The following INPP5K variants were observed in gnomAD, a reference collection of about 807,000 sequenced individuals.
The protein encoded by INPP5K is inositol polyphosphate-5-phosphatase K, also known as inositol polyphosphate 5-phosphatase K.
In INPP5K, 35 loss-of-function variants were observed where a neutral mutation model predicts 53.5. That is an observed-to-expected ratio of 0.65 (90% CI 0.50 to 0.87). The LOEUF is 0.87. INPP5K is among the 40% of genes least tolerant of loss of function. INPP5K has a pLI of 0.00. For synonymous variants in INPP5K, 253 were observed against 232.8 expected, an observed-to-expected ratio of 1.09 and a Z score of -0.79; for missense variants, 550 against 586.2, an observed-to-expected ratio of 0.94 and a Z score of 0.64.
At chr17:1,504,763 C>T (rs184095198) in intron 7 of INPP5K, among the ~76,000 whole-genome samples, 65 of 152,358 alleles carry the variant, frequency 4.3e-4, no homozygotes, top group Non-Finnish European at 4.4e-5. Context: ...TCACAATGAG[C>T]TGTTATTTGG....
In INPP5K at chr17:1,507,078, G is replaced by C; in HGVS notation, c.678C>G (p.Ala226=). The change falls in exon 7 of 12, where the codon GCC becomes GCG. Residue 226 remains alanine, a synonymous_variant. Transcript: ENST00000421807. ...CCCGGAGCAGCGGGTCATGTTTCTT[G>C]GCAATGCTGAGCTGCAGACAAAGTC... ...GLWEKDQLSI[A]KKHDPLLREF... 6.2e-7 allele frequency: 1 copy of C among 1,613,916 alleles called. No homozygotes were observed. Among genetic ancestry groups the C allele is most frequent in the Non-Finnish European group, 8.5e-7 (1 of 1,179,890 alleles).
intron 7 of INPP5K, among the ~76,000 whole-genome samples, chr17:1,500,980 A>T (rs1311764721): frequency 1.4e-5 from 2 of 145,568 alleles, no homozygotes; most frequent in Non-Finnish European, 1.5e-5. Context: ...TTTTTTTTTA[A>T]GACGGAGTCT....
rs763661024 is a variant in INPP5K at position 1,516,412 on chromosome 17, G to C, written c.44+44C>G. 7.1e-6 allele frequency: 11 copies of C among 1,559,298 alleles called. No individual in the cohort carries two copies. In the African/African-American group the frequency reaches 1.5e-4, roughly 22 times the overall value. On this transcript the variant is annotated intron_variant, in intron 1 of 11. Transcript: ENST00000421807. ...CCCAGCCCGCAGCCCAAGGGGCGCCGATCCCCCCGAGCAGGCCTGCCTCTG... is the reference window on the plus strand; with the variant it reads ...CCCAGCCCGCAGCCCAAGGGGCGCCCATCCCCCCGAGCAGGCCTGCCTCTG...
intron 8 of INPP5K, 66 bp downstream of exon 8, chr17:1,497,870 G>A (rs2074898063): frequency 7.2e-7 from 1 of 1,398,474 alleles, no homozygotes; most frequent in African/African-American, 1.4e-5. Flanking sequence ...TCCAGGGATG[G>A]AGGGCTTGGG....
intron 7 of INPP5K, among the ~76,000 whole-genome samples, chr17:1,505,741 G>A (rs1271096366): frequency 6.6e-6 from 1 of 152,070 alleles, no homozygotes; most frequent in Admixed American, 6.6e-5. Flanking sequence ...TTCTTCCCTG[G>A]CTAAATCCCA....
At chr17:1,500,429 A>G (rs1185345260) in intron 7 of INPP5K, among the ~76,000 whole-genome samples, 17 of 151,688 alleles carry the variant, frequency 1.1e-4, no homozygotes, top group Non-Finnish European at 2.4e-4. Flanking sequence ...CACTGGCGCA[A>G]TCTCGGCTCA....
At position 1,513,514 on chromosome 17, in the gene INPP5K, G is replaced by T; in HGVS notation, c.200C>A (p.Ala67Asp). 1 of 1,614,246 alleles carries T rather than the reference G, an allele frequency of 6.2e-7. No individual in the cohort carries two copies. The highest frequency in any genetic ancestry group is 1.1e-5 in the South Asian group (1 of 91,090). ...GAAACTGCTCCACGAGTCATTAAAG[G>T]CAGCATCGGAAAGGAGGCTTATGAT... is the stretch of plus-strand genomic sequence containing the variant. ...SGIISLLSDA[A>D]FNDSWSSFLM... Residue 67 changes from alanine to aspartate, a missense_variant, in exon 3 of 12, where the codon GCC (alanine) becomes GAC (aspartate). Ala to Asp is a moderately radical substitution (Grantham distance 126). Coordinates refer to ENST00000421807, the MANE Select transcript of INPP5K (RefSeq NM_016532.4).
intron 3 of INPP5K, among the ~76,000 whole-genome samples, chr17:1,511,113 A>G (rs2075296616): frequency 6.6e-6 from 1 of 152,184 alleles, no homozygotes; most frequent in Non-Finnish European, 1.5e-5. Context: ...GGCAACGCCC[A>G]TGGAATGCCA....
intron 6 of INPP5K, chr17:1,507,840 C>T (rs1229568756): frequency 4.3e-5 from 13 of 302,640 alleles, no homozygotes; most frequent in Middle Eastern, 1.1e-3. Context: ...CCACCGTGCC[C>T]GGCCCCTATT....
chr17:1,503,275 C>G (rs554692683), intron 7 of INPP5K, among the ~76,000 whole-genome samples: 53 of 151,656 alleles, frequency 3.5e-4, no homozygotes, highest in Non-Finnish European at 6.6e-4. Context: ...CCTCCGCCTC[C>G]TGGGTTCACG....
At chr17:1,504,166 C>T (rs2075101380) in intron 7 of INPP5K, among the ~76,000 whole-genome samples, 1 of 152,206 alleles carries the variant, frequency 6.6e-6, no homozygotes, top group African/African-American at 2.4e-5. Flanking sequence ...CTGTGCTACT[C>T]CCAGGGATGG....
intron 1 of INPP5K, chr17:1,515,966 C>G (rs1357316348): frequency 2.0e-6 from 2 of 990,534 alleles, no homozygotes; most frequent in Non-Finnish European, 2.4e-6. Context: ...ATCCAAGCAT[C>G]GTGACTTAGA....
intron 2 of INPP5K, 70 bp from the exon 3 acceptor site, chr17:1,513,631 C>A: frequency 7.4e-7 from 1 of 1,353,546 alleles, no homozygotes; most frequent in East Asian, 2.3e-5. Flanking sequence ...ATATTTGATA[C>A]CATCTTCACG....
At chr17:1,511,386 C>T (rs537648224) in intron 3 of INPP5K, among the ~76,000 whole-genome samples, 1 of 152,304 alleles carries the variant, frequency 6.6e-6, no homozygotes, top group African/African-American at 2.4e-5. Context: ...AGCTCTCCCT[C>T]TCAGGTTCAG....
intron 7 of INPP5K, among the ~76,000 whole-genome samples, chr17:1,502,156 T>A (rs896562865): frequency 6.6e-6 from 1 of 151,826 alleles, no homozygotes; most frequent in Non-Finnish European, 1.5e-5. Context: ...GAGACCATCC[T>A]GGCTAACATG....
chr17:1,503,340 T>C (rs899089266), intron 7 of INPP5K, among the ~76,000 whole-genome samples: 3 of 151,116 alleles, frequency 2.0e-5, no homozygotes, highest in Admixed American at 1.3e-4. Flanking sequence ...CCCGCCACCA[T>C]GCCCGGCTAA....
chr17:1,511,234 G>A (rs1321602970), intron 3 of INPP5K, among the ~76,000 whole-genome samples: 2 of 152,080 alleles, frequency 1.3e-5, no homozygotes, highest in African/African-American at 4.8e-5. Context: ...TCCCTGTTTT[G>A]TAGTTGAGGA....
At chr17:1,503,255 C>T (rs1483523674) in intron 7 of INPP5K, among the ~76,000 whole-genome samples, 2 of 150,648 alleles carry the variant, frequency 1.3e-5, no homozygotes, top group Non-Finnish European at 2.9e-5. Context: ...GTGATCTCGG[C>T]TCACTGCAAC....
intron 7 of INPP5K, among the ~76,000 whole-genome samples, chr17:1,504,748 G>A (rs2075114109): frequency 6.6e-6 from 1 of 152,228 alleles, no homozygotes; most frequent in South Asian, 2.1e-4. Context: ...ACACCTGCAC[G>A]CCAATCACAA....
Sources: allele counts gnomAD v4.1 joint callset (sites outside exome capture counted in the v4.1 genomes callset), GRCh38; gene constraint gnomAD v4.1.1; transcripts MANE v1.5; gene names NCBI Gene and HGNC (gene_info 2026-07-23, HGNC 2026-07-21).